The following IL1RAPL2 variants were observed in gnomAD, a reference collection of about 807,000 sequenced individuals.
The protein encoded by IL1RAPL2 is interleukin 1 receptor accessory protein like 2.
A neutral mutation model predicts 44.1 loss-of-function variants in IL1RAPL2; 3 were observed. The ratio of observed to expected loss-of-function variants is 0.07; its 90% CI spans 0.03 to 0.18. The LOEUF (loss-of-function observed/expected upper bound fraction) is 0.18. IL1RAPL2 is among the 10% of genes least tolerant of loss of function. The pLI is 1.00. For missense variants in IL1RAPL2, 391 were observed against 496.4 expected (o/e 0.79, Z 2.02); for synonymous variants, 181 against 178.8 (o/e 1.01, Z -0.10).
At chrX:105,052,383 T>G (rs1241767010) in intron 2 of IL1RAPL2, among the ~76,000 whole-genome samples, 1 of 112,064 alleles carries the variant, frequency 8.9e-6, no homozygotes, top group African/African-American at 3.2e-5. Context: ...ATATAGTCTT[T>G]ATGCTGGGTG....
intron 2 of IL1RAPL2, among the ~76,000 whole-genome samples, chrX:105,040,839 T>C (rs1266547222): frequency 1.9e-5 from 2 of 103,593 alleles, no homozygotes; most frequent in East Asian, 6.1e-4. Flanking sequence ...GCTCCTGGAT[T>C]CATTAATTTT....
At chrX:104,938,254 T>C (rs1163150135) in intron 2 of IL1RAPL2, among the ~76,000 whole-genome samples, 1 of 112,389 alleles carries the variant, frequency 8.9e-6, no homozygotes, top group African/African-American at 3.2e-5. Flanking sequence ...ATCAAAATAG[T>C]TCATAATTAT....
intron 2 of IL1RAPL2, among the ~76,000 whole-genome samples, chrX:104,722,704 C>G (rs1214027492): frequency 9.0e-6 from 1 of 111,225 alleles, no homozygotes; most frequent in Non-Finnish European, 1.9e-5. Context: ...GAAAGCAGAT[C>G]AAATATTTTC....
intron 2 of IL1RAPL2, among the ~76,000 whole-genome samples, chrX:104,738,814 C>T (rs1273076778): frequency 9.0e-6 from 1 of 111,454 alleles, no homozygotes; most frequent in Non-Finnish European, 1.9e-5. Context: ...GTGGCACATG[C>T]CTGTAGTCCT....
At chrX:105,498,142 T>G (rs1480237008) in intron 6 of IL1RAPL2, among the ~76,000 whole-genome samples, 4 of 112,007 alleles carry the variant, frequency 3.6e-5, no homozygotes, top group Non-Finnish European at 7.5e-5. Flanking sequence ...CATAATCTTG[T>G]AGGTAGAAAA....
At chrX:105,589,149 A>AT (rs2037150278) in intron 6 of IL1RAPL2, among the ~76,000 whole-genome samples, 2 of 111,868 alleles carry the variant, frequency 1.8e-5, no homozygotes, top group Admixed American at 1.9e-4. Context: ...GATGTTGAGC[A>AT]TTTTTTCATA....
chrX:104,570,901 T>C (rs745594865), intron 1 of IL1RAPL2, among the ~76,000 whole-genome samples: 2 of 111,286 alleles, frequency 1.8e-5, no homozygotes, highest in South Asian at 7.6e-4. Flanking sequence ...GTCATGAAAA[T>C]GTATTAAGAC....
chrX:104,803,007 T>A (rs986138078), intron 2 of IL1RAPL2, among the ~76,000 whole-genome samples: 1 of 111,852 alleles, frequency 8.9e-6, no homozygotes, highest in African/African-American at 3.2e-5. Flanking sequence ...CATTAATTCT[T>A]CTCAATGTGT....
At position 105,726,663 on chromosome X, in the gene IL1RAPL2, G is replaced by C. The variant is rs758182683; in HGVS notation, c.902+9167G>C. 3.6e-5 allele frequency among the ~76,000 whole-genome samples: 4 copies of C among 110,228 alleles called. No individual in the cohort carries two copies. In the South Asian group the frequency reaches 1.2e-3, roughly 32 times the overall value. ...ACCAGTGATGCCCCAAACCTGCTTT[G>C]CTGCTTACATTAACTACCAGGGATA... On this transcript the variant is annotated intron_variant, in intron 7 of 10. Transcript: ENST00000372582.
chrX:104,793,704 A>G (rs1222329834), intron 2 of IL1RAPL2, among the ~76,000 whole-genome samples: 4 of 111,733 alleles, frequency 3.6e-5, no homozygotes, highest in African/African-American at 1.3e-4. Flanking sequence ...GAATTGGAGT[A>G]GAGGTAAAGT....
chrX:105,319,766 A>T (rs1328005569), intron 5 of IL1RAPL2, among the ~76,000 whole-genome samples: 2 of 111,972 alleles, frequency 1.8e-5, no homozygotes, highest in Non-Finnish European at 3.8e-5. Flanking sequence ...AATAAAATGC[A>T]CGTGAAATGG....
intron 3 of IL1RAPL2, among the ~76,000 whole-genome samples, chrX:105,214,773 T>C (rs2033838578): frequency 8.9e-6 from 1 of 111,826 alleles, no homozygotes; most frequent in African/African-American, 3.3e-5. Flanking sequence ...CATAACAGTC[T>C]CTCGGACCAC....
chrX:105,095,509 C>A (rs2032594068), intron 2 of IL1RAPL2, among the ~76,000 whole-genome samples: 2 of 111,565 alleles, frequency 1.8e-5, no homozygotes, highest in South Asian at 7.5e-4. Flanking sequence ...GCATAAAGTT[C>A]AGCGGAATAG....
chrX:105,228,774 A>G (rs1229430696), intron 3 of IL1RAPL2, among the ~76,000 whole-genome samples: 1 of 112,095 alleles, frequency 8.9e-6, no homozygotes, highest in Non-Finnish European at 1.9e-5. Flanking sequence ...AAGTTCTGAG[A>G]GTATCCAGGG....
chrX:105,678,044 C>T (rs755230619), intron 6 of IL1RAPL2, among the ~76,000 whole-genome samples: 5 of 111,580 alleles, frequency 4.5e-5, no homozygotes, highest in African/African-American at 1.3e-4. Flanking sequence ...AGTATGGTTA[C>T]GTTATCCTGT....
intron 2 of IL1RAPL2, among the ~76,000 whole-genome samples, chrX:104,924,871 A>T (rs1194442636): frequency 9.0e-6 from 1 of 111,343 alleles, no homozygotes; most frequent in Non-Finnish European, 1.9e-5. Context: ...AATGAGATTG[A>T]GACCAATTAA....
At chrX:104,812,786 G>A (rs886544955) in intron 2 of IL1RAPL2, among the ~76,000 whole-genome samples, 3 of 111,318 alleles carry the variant, frequency 2.7e-5, no homozygotes, top group African/African-American at 9.8e-5. Context: ...CCACAATATA[G>A]AAGAGGAGGG....
At chrX:105,027,736 A>T (rs1181533404) in intron 2 of IL1RAPL2, among the ~76,000 whole-genome samples, 1 of 111,695 alleles carries the variant, frequency 9.0e-6, no homozygotes, top group Non-Finnish European at 1.9e-5. Context: ...GTGGGAATGT[A>T]TATTAGTATA....
intron 2 of IL1RAPL2, among the ~76,000 whole-genome samples, chrX:105,178,992 A>G (rs2033502938): frequency 9.0e-6 from 1 of 111,664 alleles, no homozygotes; most frequent in Admixed American, 9.5e-5. Flanking sequence ...GGAGTTTTTT[A>G]ATTTAATCAA....
Sources: gnomAD v4.1 joint callset for allele counts (sites outside exome capture counted in the v4.1 genomes callset) on GRCh38, gnomAD v4.1.1 for gene constraint, MANE v1.5 for transcripts, NCBI Gene and HGNC (gene_info 2026-07-23, HGNC 2026-07-21) for gene names.